C1QTNF2: variants seen among roughly 807,000 people sequenced by gnomAD.
The protein encoded by C1QTNF2 is complement C1q tumor necrosis factor-related protein 2.
Under a neutral mutation model 17.4 loss-of-function variants are expected in C1QTNF2, and 15 were observed. The observed-to-expected ratio is 0.86, with a 90% CI of 0.58 to 1.33. C1QTNF2 has a LOEUF of 1.33. Among genes scored for constraint, C1QTNF2 ranks in the 40% most tolerant of loss-of-function variants. The pLI is 0.00. For synonymous variants in C1QTNF2, 154 were observed against 163.3 expected (o/e 0.94, Z 0.44); for missense variants, 381 against 392.3 (o/e 0.97, Z 0.24).
intron 1 of C1QTNF2, among the ~76,000 whole-genome samples, chr5:160,368,256 G>A (rs1193834467): frequency 6.6e-6 from 1 of 152,194 alleles, no homozygotes; most frequent in African/African-American, 2.4e-5. Flanking sequence ...AGAATGGGCT[G>A]GGCGCGGTGG....
At position 160,349,456 on chromosome 5, in the gene C1QTNF2, G is replaced by A. The variant is rs200309696; in HGVS notation, c.570C>T (p.Gly190=). 61 of 1,613,888 alleles carry A rather than the reference G, an allele frequency of 3.8e-5. No homozygotes were observed. In the Middle Eastern group the frequency reaches 4.9e-4, roughly 13 times the overall value. Residue 190 remains glycine, a synonymous_variant, in exon 3 of 3, where the codon GGC becomes GGT. Transcript: ENST00000652664. This position sits in a 1 kb window ranked among gnomAD's most constrained non-coding sequence, Gnocchi z 4.3. ...AGGTGAAGTAGTAGATCCCAGGCACGCCGCAGACGAACTTGCCGCTGGAAG... is the reference window on the plus strand; with the variant it reads ...AGGTGAAGTAGTAGATCCCAGGCACACCGCAGACGAACTTGCCGCTGGAAG... The part of the protein sequence containing the change: ...YNASSGKFVC[G]VPGIYYFTYD...
chr5:160,349,618 G>T lies in C1QTNF2; in HGVS notation c.408C>A (p.Gly136=), dbSNP rs1043606988. Residue 136 remains glycine (G), a synonymous_variant, in exon 3 of 3, where the codon GGC becomes GGA. Transcript: ENST00000652664. The surrounding 1 kb of genome is among the most constrained non-coding windows in gnomAD (Gnocchi z 4.3). ...KGPKGKKGEP[G]LPGPCSCGSG... ...TGCCACAGCTGCAGGGGCCTGGGAG[G>T]CCTGGCTCCCCCTTCTTGCCCTTGG... 2.5e-6 allele frequency: 4 copies of T among 1,613,428 alleles called. No individual in the cohort carries two copies. Among genetic ancestry groups the T allele is most frequent in the African/African-American group, 1.3e-5 (1 of 74,830 alleles).
At position 160,348,253 on chromosome 5, in the gene C1QTNF2, G is replaced by A. The variant is rs1384550966; in HGVS notation, c.*915C>T. The A allele has an allele frequency of 2.0e-5, 3 of 152,180 alleles. No homozygotes were observed. The highest frequency in any genetic ancestry group is 2.9e-5 in the Non-Finnish European group (2 of 68,054). 9.4% of individuals were successfully genotyped at this position (152,180 alleles called of 1,614,324 possible). The stretch of plus-strand genomic sequence containing the variant: ...CTGCAAAAGATTAACTAATAATAAA[G>A]CGCTCAAGTCTGTGGCCGACTTGAC... On this transcript the variant is annotated 3_prime_UTR_variant, in exon 3 of 3. Transcript: ENST00000652664.
At chr5:160,368,099 A>G (rs1002726916) in intron 1 of C1QTNF2, among the ~76,000 whole-genome samples, 4 of 152,182 alleles carry the variant, frequency 2.6e-5, no homozygotes, top group African/African-American at 9.7e-5. Flanking sequence ...CTCAGCTAAC[A>G]GGGGAGTTAC....
intron 1 of C1QTNF2, among the ~76,000 whole-genome samples, chr5:160,367,450 G>A (rs72814359): frequency 2.0e-5 from 3 of 152,068 alleles, no homozygotes; most frequent in South Asian, 2.1e-4. Context: ...CCTTAAAAAC[G>A]GTAACCAAGG....
chr5:160,357,713 A>G lies in C1QTNF2; in HGVS notation c.-9-2693T>C, dbSNP rs374992555. Among the ~76,000 whole-genome samples, 5 of 152,348 alleles carry G rather than the reference A, an allele frequency of 3.3e-5. No individual in the cohort carries two copies. The East Asian group carries it at 5.8e-4, about 18-fold the overall frequency. On this transcript the variant is annotated intron_variant, in intron 1 of 2. Coordinates refer to ENST00000652664, the MANE Select transcript of C1QTNF2 (RefSeq NM_031908.6). Reference sequence around the variant, plus strand: ...AAGTGGAAGCGAGTCTTCGAGGCAGATGAGAATCCTGCAAACAGCTAGCTG... The same window carrying G: ...AAGTGGAAGCGAGTCTTCGAGGCAGGTGAGAATCCTGCAAACAGCTAGCTG...
At chr5:160,370,466 C>G in intron 1 of C1QTNF2, 46 bp downstream of exon 1, 8 of 1,390,964 alleles carry the variant, frequency 5.8e-6, no homozygotes, top group Non-Finnish European at 6.5e-6. Flanking sequence ...TCCTCCTCCC[C>G]GCGCGCACTT....
In C1QTNF2 at chr5:160,349,465, G is replaced by C; in HGVS notation, c.561C>G (p.Phe187Leu). ...AGTAGATCCCAGGCACGCCGCAGAC[G>C]AACTTGCCGCTGGAAGCATTGTAGT... ...GGHYNASSGK[F>L]VCGVPGIYYF... is the part of the protein sequence containing the mutation. Residue 187 changes from phenylalanine to leucine, a missense_variant, in exon 3 of 3, where the codon TTC becomes TTG. Transcript: ENST00000652664. The surrounding 1 kb of genome is among the most constrained non-coding windows in gnomAD (Gnocchi z 4.3). The C allele has an allele frequency of 6.2e-7, 1 of 1,614,004 alleles. No individual in the cohort carries two copies. The highest frequency in any genetic ancestry group is 8.5e-7 in the Non-Finnish European group (1 of 1,180,014).
Position 160,349,816 on chromosome 5 carries a change from C to G in C1QTNF2, c.245-35G>C. The stretch of plus-strand genomic sequence containing the variant: ...AGAGCAGCTGGTGTTATGGAGGGTC[C>G]TCACAGACCTAGGCAGAGGGGTGCG... On this transcript the variant is annotated intron_variant, in intron 2 of 2. Coordinates refer to ENST00000652664, the MANE Select transcript of C1QTNF2 (RefSeq NM_031908.6). The surrounding 1 kb of genome is among the most constrained non-coding windows in gnomAD (Gnocchi z 4.3). 6.6e-7 allele frequency: 1 copy of G among 1,507,940 alleles called. No homozygotes were observed. Among genetic ancestry groups the G allele is most frequent in the Non-Finnish European group, 8.8e-7 (1 of 1,138,848 alleles). The allele number at this position is 1,507,940 out of a possible 1,614,324, so 93.4% of individuals were successfully genotyped here.
At chr5:160,361,584 A>T (rs1254075036) in intron 1 of C1QTNF2, among the ~76,000 whole-genome samples, 1 of 152,240 alleles carries the variant, frequency 6.6e-6, no homozygotes, top group East Asian at 1.9e-4. Context: ...CAACTATGCA[A>T]TGAAAATAAT....
At chr5:160,356,794 T>C (rs1217680463) in intron 1 of C1QTNF2, among the ~76,000 whole-genome samples, 1 of 152,214 alleles carries the variant, frequency 6.6e-6, no homozygotes. Context: ...CTTCAGACTC[T>C]GCTTGGCCCC....
intron 2 of C1QTNF2, among the ~76,000 whole-genome samples, chr5:160,351,462 T>C (rs938950939): frequency 1.3e-5 from 2 of 152,258 alleles, no homozygotes; most frequent in Non-Finnish European, 2.9e-5. Flanking sequence ...TTTTAGAGTT[T>C]TGAGTTAATC....
chr5:160,348,947 C>T lies in C1QTNF2; in HGVS notation c.*221G>A. ...CATCTTTCAGAGAATAGCATAGTGC[C>T]TGTTACACAGTAGATACTTTAAAAA... On this transcript the variant is annotated 3_prime_UTR_variant, in exon 3 of 3. Coordinates refer to ENST00000652664, the MANE Select transcript of C1QTNF2 (RefSeq NM_031908.6). 2 of 559,068 alleles carry T rather than the reference C, an allele frequency of 3.6e-6. No homozygotes were observed. Among genetic ancestry groups the T allele is most frequent in the Middle Eastern group, 9.5e-4 (2 of 2,108 alleles). The allele number at this position is 559,068 out of a possible 1,614,324, so 34.6% of individuals were successfully genotyped here. A position where few individuals can be genotyped will look rare whatever the true frequency, so the allele number is the denominator to read the frequency against.
At chr5:160,354,676 T>C (rs1764006090) in intron 2 of C1QTNF2, 92 bp downstream of exon 2, 1 of 1,308,162 alleles carries the variant, frequency 7.6e-7, no homozygotes, top group African/African-American at 1.5e-5. Flanking sequence ...ATGAAGAGGA[T>C]TAATACTAGT....
chr5:160,368,841 T>G (rs1581042888), intron 1 of C1QTNF2, among the ~76,000 whole-genome samples: 1 of 152,278 alleles, frequency 6.6e-6, no homozygotes, highest in East Asian at 1.9e-4. Context: ...AGTGACACCT[T>G]GGAGAACTTG....
intron 1 of C1QTNF2, among the ~76,000 whole-genome samples, chr5:160,364,061 T>G (rs1764204144): frequency 6.6e-6 from 1 of 152,246 alleles, no homozygotes; most frequent in Admixed American, 6.5e-5. Context: ...GTGAAATTAA[T>G]TTCAATGCTA....
intron 1 of C1QTNF2, among the ~76,000 whole-genome samples, chr5:160,357,044 G>T (rs1174977227): frequency 6.6e-6 from 1 of 152,188 alleles, no homozygotes; most frequent in Non-Finnish European, 1.5e-5. Flanking sequence ...CCATGGAAAA[G>T]ACAGCTTTAA....
At chr5:160,350,750 A>AT (rs1354840992) in intron 2 of C1QTNF2, among the ~76,000 whole-genome samples, 16,481 of 140,234 alleles carry the variant, frequency 0.12, 1,043 homozygotes, top group Middle Eastern at 0.18. Context: ...CACAATGCCA[A>AT]TTTTTTTTTT....
At chr5:160,354,597 A>AATATATATAT (rs769774870) in intron 2 of C1QTNF2, among the ~76,000 whole-genome samples, 171 bp downstream of exon 2, 48 of 89,294 alleles carry the variant, frequency 5.4e-4, no homozygotes, top group African/African-American at 6.8e-4. Flanking sequence ...AAAAAAAAAA[A>AATATATATAT]GTATATATAT....
Sources: gnomAD v4.1 joint callset for allele counts (sites outside exome capture counted in the v4.1 genomes callset) on GRCh38, gnomAD v4.1.1 for gene constraint, Gnocchi (gnomAD v3.1) non-coding constraint, MANE v1.5 for transcripts, NCBI Gene and HGNC (gene_info 2026-07-23, HGNC 2026-07-21) for gene names.